The following PACS1 variants were observed in gnomAD, a reference collection of about 807,000 sequenced individuals.
The protein encoded by PACS1 is phosphofurin acidic cluster sorting protein 1.
Under a neutral mutation model 115.0 loss-of-function variants are expected in PACS1, and 24 were observed. The observed-to-expected ratio is 0.21, with a 90% CI of 0.15 to 0.29. The LOEUF is 0.29. PACS1 is among the 10% of genes least tolerant of loss of function. PACS1 has a pLI of 1.00. For missense variants in PACS1, 838 were observed against 1,251.2 expected, an observed-to-expected ratio of 0.67 and a Z score of 4.98; for synonymous variants, 453 against 504.5, an observed-to-expected ratio of 0.90 and a Z score of 1.37.
At chr11:66,102,239 T>TG (rs1385326014) in intron 1 of PACS1, among the ~76,000 whole-genome samples, 1 of 152,160 alleles carries the variant, frequency 6.6e-6, no homozygotes, top group Non-Finnish European at 1.5e-5. Flanking sequence ...AGAAAAGGGA[T>TG]GCAGAATGAA....
At chr11:66,136,180 C>T (rs1858839530) in intron 1 of PACS1, among the ~76,000 whole-genome samples, 1 of 152,138 alleles carries the variant, frequency 6.6e-6, no homozygotes, top group Admixed American at 6.6e-5. Context: ...CACTAATTCA[C>T]TCTCTTTCAA....
intron 1 of PACS1, among the ~76,000 whole-genome samples, chr11:66,161,340 T>C (rs1859484514): frequency 1.3e-5 from 2 of 152,076 alleles, no homozygotes; most frequent in African/African-American, 2.4e-5. Context: ...TCATTTCAGC[T>C]ACTCAGGAGG....
chr11:66,133,564 A>G lies in PACS1; in HGVS notation c.357-59922A>G, dbSNP rs530788581. On this transcript the variant is annotated intron_variant, in intron 1 of 23. Transcript: ENST00000320580. ...AGGTCTGAGTCTGAAGACCATGCCC[A>G]GGCTGGGGTGGCGCTATCATAGCTC... Among the ~76,000 whole-genome samples the G allele has an allele frequency of 3.3e-5, 5 of 152,362 alleles. No individual in the cohort carries two copies. In the East Asian group the frequency reaches 5.8e-4, roughly 18 times the overall value.
chr11:66,132,720 G>A (rs901775770), intron 1 of PACS1, among the ~76,000 whole-genome samples: 6 of 152,136 alleles, frequency 3.9e-5, no homozygotes, highest in Non-Finnish European at 8.8e-5. Flanking sequence ...CCAGGCTAGA[G>A]TGCAGTGGTG....
chr11:66,106,575 A>T (rs1858045404), intron 1 of PACS1, among the ~76,000 whole-genome samples: 2 of 151,534 alleles, frequency 1.3e-5, no homozygotes, highest in Admixed American at 1.3e-4. Context: ...TCAAAAAATA[A>T]AAAAAAATAT....
intron 1 of PACS1, among the ~76,000 whole-genome samples, chr11:66,074,501 G>A (rs894322845): frequency 6.6e-6 from 1 of 152,104 alleles, no homozygotes; most frequent in East Asian, 1.9e-4. Context: ...AAGTAGGAGA[G>A]GCAGAAAAAT....
intron 1 of PACS1, among the ~76,000 whole-genome samples, chr11:66,144,425 A>C (rs762597251): frequency 1.6e-4 from 25 of 152,342 alleles, no homozygotes; most frequent in Non-Finnish European, 2.6e-4. Context: ...GAAGGCTATC[A>C]GGGCTGTCTG....
intron 1 of PACS1, among the ~76,000 whole-genome samples, chr11:66,191,499 T>C (rs748368673): frequency 7.9e-5 from 12 of 152,190 alleles, no homozygotes; most frequent in Non-Finnish European, 1.5e-4. Flanking sequence ...TTACTGGCTG[T>C]AAGTGAATTT....
chr11:66,118,662 C>G (rs919665964), intron 1 of PACS1, among the ~76,000 whole-genome samples: 5 of 150,874 alleles, frequency 3.3e-5, no homozygotes, highest in African/African-American at 1.2e-4. Flanking sequence ...CGTGGTAGCT[C>G]ACGCCTGTAA....
intron 1 of PACS1, among the ~76,000 whole-genome samples, chr11:66,180,827 T>G (rs188986937): frequency 4.3e-4 from 66 of 152,204 alleles, no homozygotes; most frequent in African/African-American, 1.5e-3. Context: ...CTTAACAGAT[T>G]TTTTAATTTT....
chr11:66,219,396 C>T (rs1855287691), intron 7 of PACS1: 1 of 403,880 alleles, frequency 2.5e-6, no homozygotes, highest in Admixed American at 3.4e-5. Flanking sequence ...GCTGAGGTGC[C>T]CGCGCTGTGC....
rs1858845646 is a variant in PACS1, at chr11:66,136,331, AC to A, written c.357-57154del. ...ACTGCCCAATCCCACTGTCACACAC[AC>A]ACACACACACACACACACACACCAA... On this transcript the variant is annotated intron_variant, in intron 1 of 23. Transcript: ENST00000320580. Among the ~76,000 whole-genome samples the A allele has an allele frequency of 1.3e-5, 2 of 151,110 alleles. 1 individual carries two copies. Among genetic ancestry groups the A allele is most frequent in the African/African-American group, 4.9e-5 (2 of 41,012 alleles).
intron 1 of PACS1, among the ~76,000 whole-genome samples, chr11:66,094,814 C>T (rs1857741694): frequency 6.6e-6 from 1 of 152,008 alleles, no homozygotes; most frequent in Non-Finnish European, 1.5e-5. Context: ...ACTGGCAAAC[C>T]GAATCCAGCA....
chr11:66,190,836 C>T (rs1008947544), intron 1 of PACS1, among the ~76,000 whole-genome samples: 3 of 152,072 alleles, frequency 2.0e-5, no homozygotes, highest in Non-Finnish European at 4.4e-5. Context: ...CAGCATGAAC[C>T]CAGATGGCTC....
At chr11:66,072,059 T>C (rs1277935485) in intron 1 of PACS1, among the ~76,000 whole-genome samples, 1 of 152,186 alleles carries the variant, frequency 6.6e-6, no homozygotes, top group Admixed American at 6.5e-5. Flanking sequence ...TTTCCCTTGT[T>C]AGAAAAAAAT....
chr11:66,125,827 G>T lies in PACS1; in HGVS notation c.356+54985G>T, dbSNP rs184098639. 2.0e-5 allele frequency among the ~76,000 whole-genome samples: 3 copies of T among 152,176 alleles called. No individual in the cohort carries two copies. The East Asian group carries it at 5.8e-4, about 29-fold the overall frequency. On this transcript the variant is annotated intron_variant, in intron 1 of 23. Coordinates refer to ENST00000320580, the MANE Select transcript of PACS1 (RefSeq NM_018026.4). ...GGCCGAGGCAGGCAGATTACTTGAG[G>T]TCGGGAGTTCAAGACCAGCCTGGCC...
Position 66,070,384 on chromosome 11 carries a change from C to A in PACS1, c.-103C>A, listed in dbSNP as rs950510311. ...CGCTGGCTGCTCGCGCTCGGGCAGG[C>A]GGGCTGAGGAGGCTGCCGCGCCCCC... On this transcript the variant is annotated 5_prime_UTR_variant, in exon 1 of 24. Transcript: ENST00000320580. The surrounding 1 kb of genome is among the most constrained non-coding windows in gnomAD (Gnocchi z 5.9). 2.9e-5 allele frequency: 18 copies of A among 628,578 alleles called. No individual in the cohort carries two copies. The highest frequency in any genetic ancestry group is 2.2e-6 in the Non-Finnish European group (1 of 456,238). The allele number at this position is 628,578 out of a possible 1,614,324, so 38.9% of individuals were successfully genotyped here. A position where few individuals can be genotyped will look rare whatever the true frequency, so the allele number is the denominator to read the frequency against.
intron 1 of PACS1, among the ~76,000 whole-genome samples, chr11:66,158,505 C>G (rs1416568016): frequency 3.3e-5 from 5 of 152,156 alleles, no homozygotes; most frequent in African/African-American, 1.2e-4. Context: ...TAAGACCAGC[C>G]TGTGCAATAT....
At position 66,173,091 on chromosome 11, in the gene PACS1, GT is replaced by G. The variant is rs1554984845; in HGVS notation, c.357-20383del. Among the ~76,000 whole-genome samples the G allele has an allele frequency of 9.6e-3, 1,370 of 142,428 alleles. 5 individuals are homozygous for G. Among genetic ancestry groups the G allele is most frequent in the Non-Finnish European group, 0.016 (1,011 of 64,750 alleles). 93.4% of individuals were successfully genotyped at this position (142,428 alleles called of 152,430 possible). A position where few individuals can be genotyped will look rare whatever the true frequency, so the allele number is the denominator to read the frequency against. ...TATCTTAAAATGTTTTTTGATTTTG[GT>G]TTTTTTTTTTTGTTTTTTTTTGTAG... On this transcript the variant is annotated intron_variant, in intron 1 of 23. Coordinates refer to ENST00000320580, the MANE Select transcript of PACS1 (RefSeq NM_018026.4).
Sources: gnomAD v4.1 joint callset for allele counts (sites outside exome capture counted in the v4.1 genomes callset) on GRCh38, gnomAD v4.1.1 for gene constraint, Gnocchi (gnomAD v3.1) non-coding constraint, MANE v1.5 for transcripts, NCBI Gene and HGNC (gene_info 2026-07-23, HGNC 2026-07-21) for gene names.